Variants in POLH observed in about 807,000 individuals in gnomAD.
The protein encoded by POLH is DNA polymerase eta transcript.
In POLH, 53 loss-of-function variants were observed where a neutral mutation model predicts 73.6. The ratio of observed to expected loss-of-function variants is 0.72; its 90% CI spans 0.58 to 0.91. The LOEUF (loss-of-function observed/expected upper bound fraction) is 0.91. Ranked by LOEUF, POLH falls within the 40% of genes least tolerant of loss-of-function variation. The probability of loss-of-function intolerance (pLI) is 0.00; values close to 1 mark genes in which losing one functional copy is unlikely to be tolerated. For missense variants in POLH, 768 were observed against 865.4 expected, an observed-to-expected ratio of 0.89 and a Z score of 1.41; for synonymous variants, 292 against 308.5, an observed-to-expected ratio of 0.95 and a Z score of 0.56.
chr6:43,577,954 C>A (rs902580223), intron 1 of POLH, among the ~76,000 whole-genome samples: 1 of 151,016 alleles, frequency 6.6e-6, no homozygotes, highest in Admixed American at 6.6e-5. Context: ...CGGGGTGGCA[C>A]GCGCCTGTAG....
chr6:43,601,212 G>C, intron 6 of POLH, 121 bp downstream of exon 6: 1 of 743,230 alleles, frequency 1.3e-6, no homozygotes, highest in Non-Finnish European at 2.5e-6. Context: ...CAGGCAGTTA[G>C]AAGGAAAACA....
At position 43,618,535 on chromosome 6, in the gene POLH, C is replaced by T. The variant is rs936369812; in HGVS notation, c.*3978C>T. On this transcript the variant is annotated 3_prime_UTR_variant, in exon 11 of 11. Transcript: ENST00000372236. Reference sequence around the variant, plus strand: ...TTCTGTTATGGGGAAACTTGAATTACACAGGGAACCCAACTGAAGAAAATG... The same window carrying T: ...TTCTGTTATGGGGAAACTTGAATTATACAGGGAACCCAACTGAAGAAAATG... 1.3e-5 allele frequency among the ~76,000 whole-genome samples: 2 copies of T among 152,190 alleles called. No individual in the cohort carries two copies. Among genetic ancestry groups the T allele is most frequent in the Non-Finnish European group, 2.9e-5 (2 of 68,036 alleles).
intron 1 of POLH, among the ~76,000 whole-genome samples, chr6:43,578,255 C>T (rs1405725232): frequency 2.6e-5 from 4 of 152,018 alleles, no homozygotes; most frequent in Admixed American, 6.6e-5. Flanking sequence ...GGCGTGGTGG[C>T]GTGCGCCTGT....
At position 43,616,857 on chromosome 6, in the gene POLH, C is replaced by T. The variant is rs948100676; in HGVS notation, c.*2300C>T. On this transcript the variant is annotated 3_prime_UTR_variant, in exon 11 of 11. Coordinates refer to ENST00000372236, the MANE Select transcript of POLH (RefSeq NM_006502.3). ...GTTCTAATGTAGAATTAGATTGCTA[C>T]TTGACTAGTTCAGGAACTCTGTTTA... Among the ~76,000 whole-genome samples the T allele has an allele frequency of 6.6e-6, 1 of 152,208 alleles. No individual in the cohort carries two copies. The highest frequency in any genetic ancestry group is 1.5e-5 in the Non-Finnish European group (1 of 68,038).
At chr6:43,582,573 T>A in intron 2 of POLH, 117 bp downstream of exon 2, 1 of 1,043,874 alleles carries the variant, frequency 9.6e-7, no homozygotes, top group East Asian at 2.4e-5. Flanking sequence ...TGTTGTCCCA[T>A]CCAGAGCGCA....
chr6:43,610,609 G>C lies in POLH; in HGVS notation c.1130G>C (p.Arg377Pro). The change falls in exon 10 of 11, where the codon CGC becomes CCC. Residue 377 changes from arginine to proline, a missense_variant. Transcript: ENST00000372236. ...AGCATTCGTGTACAAGGAGACAAAC[G>C]CCTCAGCAGCCTGCGCCGCTGCTGT... The part of the protein sequence containing the change: ...VVSIRVQGDK[R>P]LSSLRRCCAL... 6.2e-7 allele frequency: 1 copy of C among 1,613,922 alleles called. No homozygotes were observed. Among genetic ancestry groups the C allele is most frequent in the South Asian group, 1.1e-5 (1 of 91,066 alleles).
rs975484621 is a variant in POLH at position 43,614,680 on chromosome 6, T to C, written c.*123T>C. 7.9e-6 allele frequency: 7 copies of C among 889,844 alleles called. No homozygotes were observed. In the African/African-American group the frequency reaches 1.2e-4, roughly 15 times the overall value. 55.1% of individuals were successfully genotyped at this position (889,844 alleles called of 1,614,324 possible). The stretch of plus-strand genomic sequence containing the variant: ...ATTATGAAATTTTTAATACAAAAAA[T>C]AATCCATTTAGGTGCTGAGTTACGG... On this transcript the variant is annotated 3_prime_UTR_variant, in exon 11 of 11. Coordinates refer to ENST00000372236, the MANE Select transcript of POLH (RefSeq NM_006502.3).
chr6:43,589,550 A>G (rs1765212225), intron 4 of POLH, among the ~76,000 whole-genome samples: 1 of 150,790 alleles, frequency 6.6e-6, no homozygotes, highest in Non-Finnish European at 1.5e-5. Context: ...ATCTTTGCCC[A>G]TTTTTCCATG....
At chr6:43,581,261 G>T (rs1453813626) in intron 1 of POLH, among the ~76,000 whole-genome samples, 1 of 148,746 alleles carries the variant, frequency 6.7e-6, no homozygotes, top group South Asian at 2.2e-4. Context: ...AGATGGGGCG[G>T]CGGGGCAGAG....
intron 4 of POLH, chr6:43,588,150 A>AG (rs1765042043): frequency 1.2e-5 from 2 of 160,100 alleles, no homozygotes; most frequent in South Asian, 3.5e-4. Flanking sequence ...AGCTTTTTAA[A>AG]GGGGGGCCTC....
intron 4 of POLH, among the ~76,000 whole-genome samples, chr6:43,590,136 A>G (rs1765282992): frequency 6.6e-6 from 1 of 151,726 alleles, no homozygotes; most frequent in Non-Finnish European, 1.5e-5. Context: ...AGGTGGGTGG[A>G]TCATGAGGTC....
In POLH at chr6:43,603,971, A is replaced by G; in HGVS notation, c.844A>G (p.Thr282Ala). The change falls in exon 7 of 11, where the codon ACT becomes GCT. Residue 282 changes from threonine to alanine, a missense_variant. Thr to Ala is a moderately conservative substitution (Grantham distance 58, BLOSUM62 0). Transcript: ENST00000372236. The stretch of plus-strand genomic sequence containing the variant: ...ATACATGGGTGAACTGACCCAGTTC[A>G]CTGAATCCCAGCTCCAGAGTCATTT... ...IEYMGELTQFTESQLQSHFGE... is the reference protein window; with the variant it reads ...IEYMGELTQFAESQLQSHFGE... 6.2e-7 allele frequency: 1 copy of G among 1,613,184 alleles called. No homozygotes were observed. Among genetic ancestry groups the G allele is most frequent in the South Asian group, 1.1e-5 (1 of 91,082 alleles).
intron 9 of POLH, among the ~76,000 whole-genome samples, chr6:43,607,541 G>A (rs1561911577): frequency 6.6e-6 from 1 of 152,108 alleles, no homozygotes; most frequent in Admixed American, 6.6e-5. Context: ...TCATCTACAA[G>A]TTTTTGTGTA....
intron 5 of POLH, among the ~76,000 whole-genome samples, chr6:43,599,123 G>GGATT (rs757307469): frequency 1.3e-4 from 19 of 151,400 alleles, no homozygotes; most frequent in Non-Finnish European, 2.5e-4. Flanking sequence ...CGAGTAGCTG[G>GGATT]GATTACAGGT....
intron 10 of POLH, among the ~76,000 whole-genome samples, chr6:43,613,057 C>T (rs748218473): frequency 1.3e-4 from 20 of 152,064 alleles, no homozygotes; most frequent in Admixed American, 1.2e-3. Flanking sequence ...CTTAGCCTCC[C>T]AAAGTGCTGG....
chr6:43,613,905 C>G lies in POLH; in HGVS notation c.1490C>G (p.Ser497Trp). ...GAAAGGCAGAAAGTTAAAGAAGCTT[C>G]GCTTTCATCTCTTACTGCTCCCACT... ...AAERQKVKEA[S>W]LSSLTAPTQA... The change falls in exon 11 of 11, where the codon TCG (serine) becomes TGG (tryptophan). Residue 497 changes from serine (S) to tryptophan (W), a missense_variant. By Grantham distance (177) the Ser-to-Trp change is radical. Coordinates refer to ENST00000372236, the MANE Select transcript of POLH (RefSeq NM_006502.3). The G allele has an allele frequency of 6.2e-7, 1 of 1,613,852 alleles. No homozygotes were observed. Among genetic ancestry groups the G allele is most frequent in the South Asian group, 1.1e-5 (1 of 91,090 alleles).
chr6:43,578,768 ATGT>A (rs9333506), intron 1 of POLH, among the ~76,000 whole-genome samples: 2,793 of 152,188 alleles, frequency 0.018, 102 homozygotes, highest in African/African-American at 0.063. Context: ...GAATGCTATG[ATGT>A]TATATATTAT....
Position 43,616,172 on chromosome 6 carries a change from C to A in POLH, c.*1615C>A, listed in dbSNP as rs536734238. On this transcript the variant is annotated 3_prime_UTR_variant, in exon 11 of 11. Transcript: ENST00000372236. Reference sequence around the variant, plus strand: ...GCAGGCGCCTGTAGTCCCAGCTACTCGGGAGGCTGAGGCAGGAGAATGGTG... The same window carrying A: ...GCAGGCGCCTGTAGTCCCAGCTACTAGGGAGGCTGAGGCAGGAGAATGGTG... Among the ~76,000 whole-genome samples the A allele has an allele frequency of 1.3e-5, 2 of 149,064 alleles. No homozygotes were observed. Among genetic ancestry groups the A allele is most frequent in the African/African-American group, 5.0e-5 (2 of 40,386 alleles).
chr6:43,604,845 T>A, intron 8 of POLH, 107 bp downstream of exon 8: 1 of 1,147,798 alleles, frequency 8.7e-7, no homozygotes. Flanking sequence ...TTATAAAGTA[T>A]GAAGAAAACA....
Sources: allele counts gnomAD v4.1 joint callset (sites outside exome capture counted in the v4.1 genomes callset), GRCh38; gene constraint gnomAD v4.1.1; transcripts MANE v1.5; gene names NCBI Gene and HGNC (gene_info 2026-07-23, HGNC 2026-07-21).